The following BMP2K variants were observed in gnomAD, a reference collection of about 807,000 sequenced individuals.
The protein encoded by BMP2K is BMP-2-inducible protein kinase.
A neutral mutation model predicts 116.0 loss-of-function variants in BMP2K; 74 were observed. The observed-to-expected ratio is 0.64, with a 90% CI of 0.53 to 0.77. BMP2K has a LOEUF of 0.77. Among genes scored for constraint, BMP2K ranks in the 30% least tolerant of loss-of-function variants. BMP2K has a pLI of 0.00. For missense variants in BMP2K, 1,365 were observed against 1,403.6 expected (o/e 0.97, Z 0.44); for synonymous variants, 486 against 502.5 (o/e 0.97, Z 0.44).
chr4:78,776,600 G>T lies in BMP2K; in HGVS notation c.57G>T (p.Ala19=). The T allele has an allele frequency of 8.4e-7, 1 of 1,185,476 alleles. No homozygotes were observed. Among genetic ancestry groups the T allele is most frequent in the Non-Finnish European group, 1.0e-6 (1 of 954,672 alleles). The allele number at this position is 1,185,476 out of a possible 1,614,324, so 73.4% of individuals were successfully genotyped here. A position where few individuals can be genotyped will look rare whatever the true frequency, so the allele number is the denominator to read the frequency against. The change falls in exon 1 of 16, where the codon GCG becomes GCT. Residue 19 remains alanine, a synonymous_variant. Transcript: ENST00000502613. ...AGGGCGGCAGCGGCGGCGGAGCGGC[G>T]GGTGGCGGGGCTGGCGGGGCCGGGG... The part of the protein sequence containing the change: ...KSEGGSGGGA[A]GGGAGGAGAG...
At chr4:78,904,854 TTTATTATTTTAAC>T (rs1734206320) in intron 15 of BMP2K, among the ~76,000 whole-genome samples, 1 of 151,968 alleles carries the variant, frequency 6.6e-6, no homozygotes, top group African/African-American at 2.4e-5. Context: ...AGTCTATGAT[TTTATTATTTTAAC>T]TAGGTTCTGA....
chr4:78,861,465 C>G lies in BMP2K; in HGVS notation c.1064C>G (p.Ala355Gly). Residue 355 changes from alanine to glycine, a missense_variant, in exon 9 of 16, where the codon GCC becomes GGC. Physicochemically the swap from Ala to Gly is moderately conservative, Grantham distance 60. Around this residue, in one of 3 missense-constraint regions of BMP2K, gnomAD observed 762 missense variants for 756.7 expected, o/e 1.01. Transcript: ENST00000502613. ...GCTGCTAGGAAAAGCCAAATAAAAG[C>G]CAGGTAGGCAAAACTATGCTGAAAT... is the stretch of plus-strand genomic sequence containing the variant. ...EAAARKSQIK[A>G]RITDTIGPTE... is the part of the protein sequence containing the mutation. 6.2e-7 allele frequency: 1 copy of G among 1,602,334 alleles called. No homozygotes were observed. Among genetic ancestry groups the G allele is most frequent in the Admixed American group, 1.7e-5 (1 of 59,472 alleles).
chr4:78,788,190 T>C (rs1249496102), intron 1 of BMP2K, among the ~76,000 whole-genome samples: 2 of 152,050 alleles, frequency 1.3e-5, no homozygotes, highest in African/African-American at 4.8e-5. Flanking sequence ...TATTTTTTTA[T>C]ACAGGCACAG....
At chr4:78,818,443 A>G (rs1166952251) in intron 1 of BMP2K, among the ~76,000 whole-genome samples, 2 of 152,204 alleles carry the variant, frequency 1.3e-5, no homozygotes, top group African/African-American at 4.8e-5. Flanking sequence ...CTGACTTTTT[A>G]ATGATCGCCA....
chr4:78,911,406 T>C lies in BMP2K; in HGVS notation c.2859T>C (p.Leu953=). The C allele has an allele frequency of 6.2e-7, 1 of 1,614,008 alleles. No homozygotes were observed. The part of the protein sequence containing the change: ...STSKSESNED[L]FGLVPFDEIT... ...GTAAAAGTGAAAGCAATGAGGACCT[T>C]TTTGGGCTTGTGCCCTTTGATGAAA... Residue 953 remains leucine (L), a synonymous_variant, in exon 16 of 16, where the codon CTT becomes CTC. Coordinates refer to ENST00000502613, the MANE Select transcript of BMP2K (RefSeq NM_198892.2).
chr4:78,870,259 C>T (rs1026591782), intron 10 of BMP2K, among the ~76,000 whole-genome samples: 2 of 152,130 alleles, frequency 1.3e-5, no homozygotes, highest in Non-Finnish European at 2.9e-5. Flanking sequence ...ATGAGTAAGT[C>T]ATCATCTCTT....
intron 10 of BMP2K, 124 bp from the exon 11 acceptor site, chr4:78,870,659 T>G: frequency 7.6e-7 from 1 of 1,316,246 alleles, no homozygotes; most frequent in Non-Finnish European, 1.0e-6. Flanking sequence ...ATATGGAAGT[T>G]TTTGTGTTAT....
chr4:78,859,268 T>G (rs1432467762), intron 7 of BMP2K: 1 of 199,522 alleles, frequency 5.0e-6, no homozygotes, highest in African/African-American at 2.3e-5. Flanking sequence ...GCCTTGGAAC[T>G]TTCTTGAATA....
chr4:78,785,725 A>G (rs1267007112), intron 1 of BMP2K, among the ~76,000 whole-genome samples: 1 of 152,190 alleles, frequency 6.6e-6, no homozygotes, highest in Non-Finnish European at 1.5e-5. Flanking sequence ...TTTACCCTTG[A>G]TATGTGTGGG....
chr4:78,838,612 G>A (rs1362659952), intron 3 of BMP2K, among the ~76,000 whole-genome samples: 1 of 152,166 alleles, frequency 6.6e-6, no homozygotes. Context: ...TACTTCCTCT[G>A]TAACAGCTAA....
chr4:78,778,899 T>A (rs1156983859), intron 1 of BMP2K, among the ~76,000 whole-genome samples: 3 of 152,192 alleles, frequency 2.0e-5, no homozygotes, highest in African/African-American at 7.2e-5. Flanking sequence ...CGGTAGAAGC[T>A]AAGATAGACC....
intron 1 of BMP2K, among the ~76,000 whole-genome samples, chr4:78,810,167 T>C (rs1386225012): frequency 6.6e-6 from 1 of 152,238 alleles, no homozygotes; most frequent in African/African-American, 2.4e-5. Flanking sequence ...ATAAGTCTTC[T>C]AGCTTTTGCT....
intron 1 of BMP2K, among the ~76,000 whole-genome samples, chr4:78,817,018 GTC>G (rs757564923): frequency 9.7e-4 from 147 of 152,134 alleles, no homozygotes; most frequent in Non-Finnish European, 1.2e-3. Context: ...CATATTACAT[GTC>G]TCTGAAATAT....
intron 1 of BMP2K, among the ~76,000 whole-genome samples, chr4:78,786,562 A>G (rs929861400): frequency 1.3e-5 from 2 of 151,954 alleles, no homozygotes; most frequent in African/African-American, 4.8e-5. Flanking sequence ...GCCTCCCGAC[A>G]GTTGGGACAA....
At chr4:78,777,937 G>A (rs1727323905) in intron 1 of BMP2K, among the ~76,000 whole-genome samples, 1 of 152,222 alleles carries the variant, frequency 6.6e-6, no homozygotes, top group Non-Finnish European at 1.5e-5. Flanking sequence ...GAAACTTGGA[G>A]AGGTGGGAGA....
At chr4:78,866,387 A>G (rs1340890980) in intron 10 of BMP2K, among the ~76,000 whole-genome samples, 1 of 152,168 alleles carries the variant, frequency 6.6e-6, no homozygotes, top group Non-Finnish European at 1.5e-5. Context: ...TTAATGTTAA[A>G]ATGTTTTTAA....
chr4:78,829,788 T>TTCTTTTCTTTTC (rs1225884740), intron 2 of BMP2K, among the ~76,000 whole-genome samples: 1 of 59,200 alleles, frequency 1.7e-5, no homozygotes, highest in African/African-American at 5.5e-5. Flanking sequence ...TTCTTTTCTT[T>TTCTTTTCTTTTC]TCTCTTCTCT....
intron 14 of BMP2K, 181 bp from the exon 15 acceptor site, chr4:78,886,993 C>T: frequency 2.0e-6 from 1 of 494,596 alleles, no homozygotes; most frequent in Non-Finnish European, 3.6e-6. Context: ...TTTGCAGCAA[C>T]AAATATGTAT....
intron 6 of BMP2K, 137 bp from the exon 7 acceptor site, chr4:78,850,787 T>A (rs1560528574): frequency 1.3e-6 from 1 of 757,240 alleles, no homozygotes; most frequent in Non-Finnish European, 1.9e-6. Flanking sequence ...AATATATTAA[T>A]TTTTTTAAGA....
Sources: gnomAD v4.1 joint callset for allele counts (sites outside exome capture counted in the v4.1 genomes callset) on GRCh38, gnomAD v4.1.1 for gene constraint, gnomAD v4.1.1 regional missense constraint, MANE v1.5 for transcripts, NCBI Gene and HGNC (gene_info 2026-07-23, HGNC 2026-07-21) for gene names.